The following BPTF variants were observed in gnomAD, a reference collection of about 807,000 sequenced individuals.
BPTF encodes the protein bromodomain PHD finger transcription factor.
Under a neutral mutation model 292.5 loss-of-function variants are expected in BPTF, and 18 were observed. The ratio of observed to expected loss-of-function variants is 0.06; its 90% CI spans 0.04 to 0.09. The LOEUF (loss-of-function observed/expected upper bound fraction) is 0.09, where lower values mean the gene tolerates loss of function less well. Among genes scored for constraint, BPTF ranks in the 10% least tolerant of loss-of-function variants. BPTF has a pLI of 1.00. For synonymous variants in BPTF, 1,225 were observed against 1,251.9 expected (o/e 0.98, Z 0.45); for missense variants, 2,726 against 3,498.7 (o/e 0.78, Z 5.57).
chr17:67,848,177 T>C (rs1191046211), intron 1 of BPTF, among the ~76,000 whole-genome samples: 2 of 152,210 alleles, frequency 1.3e-5, no homozygotes, highest in Non-Finnish European at 1.5e-5. Context: ...AATTCTTTTT[T>C]TTTTTTGAAT....
intron 4 of BPTF, among the ~76,000 whole-genome samples, chr17:67,889,165 C>A (rs1236438862): frequency 3.9e-5 from 6 of 152,138 alleles, no homozygotes; most frequent in Admixed American, 3.9e-4. Context: ...CACAAGGATC[C>A]ACTGCTTTAT....
In BPTF at chr17:67,910,890, C is replaced by G. The variant is rs1441717240; in HGVS notation, c.3006C>G (p.Leu1002=). The G allele has an allele frequency of 1.3e-6, 2 of 1,588,156 alleles. No individual in the cohort carries two copies. Among genetic ancestry groups the G allele is most frequent in the African/African-American group, 2.7e-5 (2 of 73,542 alleles). The change falls in exon 11 of 28, where the codon CTC becomes CTG. Residue 1002 remains leucine, a synonymous_variant. Coordinates refer to ENST00000306378, the MANE Select transcript of BPTF (RefSeq NM_182641.4). ...TEKKDQDVKE[L]LDSDSDKPCK... is the part of the protein sequence containing the mutation. ...TTTGTTTCACAGATGTGAAGGAGCT[C>G]TTAGATTCTGACAGTGATAAACCCT...
chr17:67,878,594 A>C (rs968323623), intron 4 of BPTF, among the ~76,000 whole-genome samples: 4 of 152,166 alleles, frequency 2.6e-5, no homozygotes, highest in African/African-American at 9.7e-5. Flanking sequence ...CTGAGGGGAC[A>C]TGCTAGTGGG....
At chr17:67,938,811 G>T (rs9914393) in intron 18 of BPTF, among the ~76,000 whole-genome samples, 15,331 of 152,118 alleles carry the variant, frequency 0.1, 2,637 homozygotes, top group African/African-American at 0.35. Context: ...TGGCAAAGTG[G>T]AAAAAATAGT....
chr17:67,933,985 C>T (rs974031160), intron 18 of BPTF, among the ~76,000 whole-genome samples: 3 of 151,640 alleles, frequency 2.0e-5, no homozygotes, highest in Non-Finnish European at 2.9e-5. Context: ...TGGAGGTTGC[C>T]GTGAGCTGAG....
chr17:67,854,724 T>C lies in BPTF; in HGVS notation c.1398T>C (p.Ser466=). ...IRHEPIGYDR[S]RRKYWFLNRR... ...ATGAACCTATTGGATATGATAGAAG[T>C]CGGAGGAAATACTGGTTCTTGAACC... Residue 466 remains serine, a synonymous_variant, in exon 2 of 28, where the codon AGT becomes AGC. Coordinates refer to ENST00000306378, the MANE Select transcript of BPTF (RefSeq NM_182641.4). The surrounding 1 kb of genome is among the most constrained non-coding windows in gnomAD (Gnocchi z 5.6). The C allele has an allele frequency of 1.2e-6, 2 of 1,614,146 alleles. No homozygotes were observed. Among genetic ancestry groups the C allele is most frequent in the Non-Finnish European group, 8.5e-7 (1 of 1,180,004 alleles).
Position 67,912,829 on chromosome 17 carries a change from G to A in BPTF, c.4945G>A (p.Val1649Ile), listed in dbSNP as rs183522517. The change falls in exon 11 of 28, where the codon GTA becomes ATA. Residue 1649 changes from valine (V) to isoleucine (I), a missense_variant. Physicochemically the swap from Val to Ile is conservative, Grantham distance 29 (BLOSUM62 3). Coordinates refer to ENST00000306378, the MANE Select transcript of BPTF (RefSeq NM_182641.4). ...STGGSVDIIS[V>I]KEQSKTVVTT... Reference sequence around the variant, plus strand: ...AGGCGGCAGTGTGGACATCATCTCTGTAAAGGAGCAGAGCAAAACCGTGGT... The same window carrying A: ...AGGCGGCAGTGTGGACATCATCTCTATAAAGGAGCAGAGCAAAACCGTGGT... 2 of 1,614,150 alleles carry A rather than the reference G, an allele frequency of 1.2e-6. No homozygotes were observed. The highest frequency in any genetic ancestry group is 1.1e-5 in the South Asian group (1 of 91,086).
chr17:67,932,963 A>C (rs1209760534), intron 18 of BPTF, among the ~76,000 whole-genome samples: 3 of 123,264 alleles, frequency 2.4e-5, no homozygotes, highest in African/African-American at 1.4e-4. Flanking sequence ...TAAAGGTAAA[A>C]AAGATCAGCC....
At chr17:67,914,562 G>T (rs976628821) in intron 11 of BPTF, among the ~76,000 whole-genome samples, 1 of 152,202 alleles carries the variant, frequency 6.6e-6, no homozygotes, top group Non-Finnish European at 1.5e-5. Context: ...TGACTGTCCT[G>T]CAGGTAACTT....
chr17:67,958,287 G>C (rs1254374764), intron 23 of BPTF, among the ~76,000 whole-genome samples: 1 of 151,954 alleles, frequency 6.6e-6, no homozygotes, highest in East Asian at 1.9e-4. Context: ...AGCCAAGACT[G>C]TGCCACTGCA....
chr17:67,924,984 A>T (rs1369505736), intron 15 of BPTF, among the ~76,000 whole-genome samples: 1 of 150,570 alleles, frequency 6.6e-6, no homozygotes, highest in Non-Finnish European at 1.5e-5. Context: ...CCTGGACTCA[A>T]GCGATCCACC....
intron 4 of BPTF, among the ~76,000 whole-genome samples, chr17:67,890,910 CAG>C (rs1321346608): frequency 1.3e-5 from 2 of 152,030 alleles, no homozygotes; most frequent in African/African-American, 2.4e-5. Flanking sequence ...AAGGAAAAAT[CAG>C]AGCTTATTCA....
intron 1 of BPTF, among the ~76,000 whole-genome samples, chr17:67,838,852 A>C (rs1004742605): frequency 6.6e-6 from 1 of 152,232 alleles, no homozygotes; most frequent in Non-Finnish European, 1.5e-5. Context: ...TATGCCATGA[A>C]ATCAGATTTT....
chr17:67,871,235 ATACAGT>A (rs1323845701), intron 3 of BPTF, among the ~76,000 whole-genome samples: 1 of 152,142 alleles, frequency 6.6e-6, no homozygotes, highest in Non-Finnish European at 1.5e-5. Context: ...TGAAAGAATT[ATACAGT>A]TACCAGCCTG....
intron 3 of BPTF, among the ~76,000 whole-genome samples, chr17:67,870,437 T>G (rs1186218809): frequency 6.6e-6 from 1 of 152,032 alleles, no homozygotes; most frequent in Non-Finnish European, 1.5e-5. Flanking sequence ...CAGCAACTTT[T>G]TAAGGAGTGT....
chr17:67,845,261 T>G (rs139367506), intron 1 of BPTF, among the ~76,000 whole-genome samples: 55 of 152,360 alleles, frequency 3.6e-4, no homozygotes, highest in African/African-American at 1.3e-3. Context: ...GGTGATTCTT[T>G]GAGAATATCC....
intron 18 of BPTF, among the ~76,000 whole-genome samples, chr17:67,934,655 C>T (rs951399783): frequency 6.6e-6 from 1 of 151,604 alleles, no homozygotes; most frequent in African/African-American, 2.4e-5. Context: ...GGGTGGATCA[C>T]AAGGTCAAGA....
At chr17:67,964,675 C>T (rs1408560258) in intron 25 of BPTF, among the ~76,000 whole-genome samples, 3 of 152,032 alleles carry the variant, frequency 2.0e-5, no homozygotes, top group African/African-American at 4.8e-5. Flanking sequence ...TTCCTCTCAC[C>T]CCCATGGATT....
intron 3 of BPTF, among the ~76,000 whole-genome samples, chr17:67,871,049 G>A (rs571074295): frequency 2.0e-4 from 31 of 152,112 alleles, no homozygotes; most frequent in African/African-American, 7.0e-4. Flanking sequence ...GGGATTACAG[G>A]CGTGAGCCAC....
Sources: allele counts gnomAD v4.1 joint callset (sites outside exome capture counted in the v4.1 genomes callset), GRCh38; gene constraint gnomAD v4.1.1; non-coding constraint Gnocchi (gnomAD v3.1); transcripts MANE v1.5; gene names NCBI Gene and HGNC (gene_info 2026-07-23, HGNC 2026-07-21).